MC4R: variants seen among roughly 807,000 people sequenced by gnomAD.
The protein encoded by MC4R is melanocortin receptor 4.
In MC4R, 15 loss-of-function variants were observed where a neutral mutation model predicts 16.1. The ratio of observed to expected loss-of-function variants is 0.93; its 90% CI spans 0.62 to 1.44. The LOEUF is 1.44. Ranked by LOEUF, MC4R falls within the 40% of genes most tolerant of loss-of-function variation. MC4R has a pLI of 0.00. For synonymous variants in MC4R, 162 were observed against 151.7 expected (o/e 1.07, Z -0.50); for missense variants, 416 against 411.4 (o/e 1.01, Z -0.10).
At position 60,372,233 on chromosome 18, in the gene MC4R, C is replaced by A. The variant is rs772080417; in HGVS notation, c.117G>T (p.Gly39=). 2 of 1,614,252 alleles carry A rather than the reference C, an allele frequency of 1.2e-6. No individual in the cohort carries two copies. The highest frequency in any genetic ancestry group is 1.1e-5 in the South Asian group (1 of 91,090). ...GAGAGACAAAAAGTTGCTCGTAGCA[C>A]CCTCCATCAGAGTAGCCTTTTCCAA... The part of the protein sequence containing the change: ...ESLGKGYSDG[G]CYEQLFVSPE... The change falls in exon 1 of 1, where the codon GGG becomes GGT. Residue 39 remains glycine (G), a synonymous_variant. Coordinates refer to ENST00000299766, the MANE Select transcript of MC4R (RefSeq NM_005912.3).
chr18:60,371,831 GATACAACTT>G lies in MC4R; in HGVS notation c.510_518del (p.Ser171_Ile173del). 6.2e-7 allele frequency: 1 copy of G among 1,614,154 alleles called. No homozygotes were observed. The highest frequency in any genetic ancestry group is 8.5e-7 in the Non-Finnish European group (1 of 1,180,028). On this transcript the variant is annotated inframe_deletion, in exon 1 of 1. Coordinates refer to ENST00000299766, the MANE Select transcript of MC4R (RefSeq NM_005912.3). ...TGCCTGAAACCGTGCAAGCTGCCCA[GATACAACTT>G]ATGATGATCCCAACCCGCTTAACTG...
At position 60,372,345 on chromosome 18, in the gene MC4R, A is replaced by G; in HGVS notation, c.5T>C (p.Val2Ala). 1 of 1,614,010 alleles carries G rather than the reference A, an allele frequency of 6.2e-7. No homozygotes were observed. Among genetic ancestry groups the G allele is most frequent in the Non-Finnish European group, 8.5e-7 (1 of 1,180,018 alleles). Residue 2 changes from valine to alanine, a missense_variant, in exon 1 of 1, where the codon GTG (valine) becomes GCG (alanine). Val to Ala is a moderately conservative substitution (Grantham distance 64, BLOSUM62 0). Transcript: ENST00000299766. M[V>A]NSTHRGMHTS... ...GTGCATCCCACGGTGGGTGGAGTTC[A>G]CCATGCTGGCAGGAGAATTCCAGTG...
At position 60,372,018 on chromosome 18, in the gene MC4R, T is replaced by A; in HGVS notation, c.332A>T (p.Asp111Val). ...CACTGTGAAACTCTGTGCATCCGTA[T>A]CTGTACTGTTTAATAGGGTGATGAC... is the stretch of plus-strand genomic sequence containing the variant. ...TIVITLLNST[D>V]TDAQSFTVNI... The change falls in exon 1 of 1, where the codon GAT becomes GTT. Residue 111 changes from aspartate (D) to valine (V), a missense_variant. Coordinates refer to ENST00000299766, the MANE Select transcript of MC4R (RefSeq NM_005912.3). 1.2e-6 allele frequency: 2 copies of A among 1,614,226 alleles called. No individual in the cohort carries two copies. Among genetic ancestry groups the A allele is most frequent in the Non-Finnish European group, 1.7e-6 (2 of 1,180,034 alleles).
rs1019969912 is a variant in MC4R at position 60,372,600 on chromosome 18, C to T, written c.-251G>A. On this transcript the variant is annotated 5_prime_UTR_variant, in exon 1 of 1. Coordinates refer to ENST00000299766, the MANE Select transcript of MC4R (RefSeq NM_005912.3). ...ATTCATTCTCAGTTGAAAGAGTCTGCTCTTTGCTTTCTTGTTCTCACTTCT... is the reference window on the plus strand; with the variant it reads ...ATTCATTCTCAGTTGAAAGAGTCTGTTCTTTGCTTTCTTGTTCTCACTTCT... 3.8e-5 allele frequency: 21 copies of T among 556,744 alleles called. No individual in the cohort carries two copies. The highest frequency in any genetic ancestry group is 6.6e-5 in the Non-Finnish European group (20 of 301,274). The allele number at this position is 556,744 out of a possible 1,614,324, so 34.5% of individuals were successfully genotyped here.
In MC4R at chr18:60,372,674, TTGAAGC is replaced by T. The variant is rs1300254561; in HGVS notation, c.-331_-326del. On this transcript the variant is annotated 5_prime_UTR_variant, in exon 1 of 1. Transcript: ENST00000299766. ...TCAAGTCTGTTCAAAATAATTTTCC[TTGAAGC>T]TGCCATGCCATTGGGAGACGAATCT... 2.7e-6 allele frequency: 1 copy of T among 374,344 alleles called. No homozygotes were observed. Among genetic ancestry groups the T allele is most frequent in the Admixed American group, 4.0e-5 (1 of 25,220 alleles). 23.2% of individuals were successfully genotyped at this position (374,344 alleles called of 1,614,324 possible).
Position 60,372,286 on chromosome 18 carries a change from TG to T in MC4R, c.63del (p.Tyr21Ter). ...GACTCACTGGCATTGCTGTGCAGTC[TG>T]TAACTGCTGCGGTTCCAGAGGTGCA... ...TSLHLWNRSS[Y>X]RLHSNASESL... On this transcript the variant is annotated frameshift_variant, in exon 1 of 1. Transcript: ENST00000299766. LOFTEE classifies it high-confidence loss of function. 6.2e-7 allele frequency: 1 copy of T among 1,614,214 alleles called. No homozygotes were observed. Among genetic ancestry groups the T allele is most frequent in the Non-Finnish European group, 8.5e-7 (1 of 1,180,026 alleles).
Position 60,371,972 on chromosome 18 carries a change from G to A in MC4R, c.378C>T (p.Asp126=), listed in dbSNP as rs145900224. ...SFTVNIDNVI[D]SVICSSLLAS... is the part of the protein sequence containing the mutation. ...CAAGCAAGGAGCTACAGATCACCGA[G>A]TCAATGACATTATCAATATTCACTG... The change falls in exon 1 of 1, where the codon GAC becomes GAT. Residue 126 remains aspartate, a synonymous_variant. Coordinates refer to ENST00000299766, the MANE Select transcript of MC4R (RefSeq NM_005912.3). 1.2e-6 allele frequency: 2 copies of A among 1,613,972 alleles called. No homozygotes were observed. The highest frequency in any genetic ancestry group is 1.7e-6 in the Non-Finnish European group (2 of 1,180,040).
chr18:60,371,787 G>A lies in MC4R; in HGVS notation c.563C>T (p.Ser188Leu), dbSNP rs772131442. ...TVSGILFIIY[S>L]DSSAVIICLI... ...GCAGATGATGACAGCACTACTATCTGAGTAAATGATGAACAAAATGCCTGA... is the reference window on the plus strand; with the variant it reads ...GCAGATGATGACAGCACTACTATCTAAGTAAATGATGAACAAAATGCCTGA... Residue 188 changes from serine to leucine, a missense_variant, in exon 1 of 1, where the codon TCA (serine) becomes TTA (leucine). Physicochemically the swap from Ser to Leu is moderately radical, Grantham distance 145. Transcript: ENST00000299766. The A allele has an allele frequency of 1.9e-6, 3 of 1,614,144 alleles. No homozygotes were observed. The highest frequency in any genetic ancestry group is 2.5e-6 in the Non-Finnish European group (3 of 1,180,014).
At position 60,371,088 on chromosome 18, in the gene MC4R, T is replaced by A. The variant is rs1390168250; in HGVS notation, c.*263A>T. The A allele has an allele frequency of 6.6e-6, 3 of 452,728 alleles. No individual in the cohort carries two copies. Among genetic ancestry groups the A allele is most frequent in the South Asian group, 2.2e-5 (1 of 44,486 alleles). The allele number at this position is 452,728 out of a possible 1,614,324, so 28.0% of individuals were successfully genotyped here. On this transcript the variant is annotated 3_prime_UTR_variant, in exon 1 of 1. Coordinates refer to ENST00000299766, the MANE Select transcript of MC4R (RefSeq NM_005912.3). ...ACATTGTTAAGCTTTTAATAAGGAC[T>A]TTTCTTTTTGTAAATCCACAGTGCC...
chr18:60,371,532 T>C lies in MC4R; in HGVS notation c.818A>G (p.Gln273Arg). Residue 273 changes from glutamine (Q) to arginine (R), a missense_variant, in exon 1 of 1, where the codon CAG becomes CGG. Transcript: ENST00000299766. The part of the protein sequence containing the change: ...LHLIFYISCP[Q>R]NPYCVCFMSH... ...CATGAAGCACACACAATATGGATTCTGAGGACAAGAGATGTAGAATATTAA... is the reference window on the plus strand; with the variant it reads ...CATGAAGCACACACAATATGGATTCCGAGGACAAGAGATGTAGAATATTAA... The C allele has an allele frequency of 6.2e-7, 1 of 1,614,210 alleles. No individual in the cohort carries two copies. The highest frequency in any genetic ancestry group is 8.5e-7 in the Non-Finnish European group (1 of 1,180,030).
chr18:60,372,649 T>A lies in MC4R; in HGVS notation c.-300A>T. The stretch of plus-strand genomic sequence containing the variant: ...CTGCTTTAACTTTAATCTTATGCAT[T>A]CAAGTCTGTTCAAAATAATTTTCCT... On this transcript the variant is annotated 5_prime_UTR_variant, in exon 1 of 1. Transcript: ENST00000299766. The A allele has an allele frequency of 2.4e-6, 1 of 425,144 alleles. No individual in the cohort carries two copies. 26.3% of individuals were successfully genotyped at this position (425,144 alleles called of 1,614,324 possible). A position where few individuals can be genotyped will look rare whatever the true frequency, so the allele number is the denominator to read the frequency against.
Position 60,372,158 on chromosome 18 carries a change from T to G in MC4R, c.192A>C (p.Leu64Phe). Reference sequence around the variant, plus strand: ...TGTTCTTGGCTATTGCCACAATCACTAAGATATTCTCCAACAAGCTGATGA... The same window carrying G: ...TGTTCTTGGCTATTGCCACAATCACGAAGATATTCTCCAACAAGCTGATGA... ...LGVISLLENI[L>F]VIVAIAKNKN... is the part of the protein sequence containing the mutation. The change falls in exon 1 of 1, where the codon TTA (leucine) becomes TTC (phenylalanine). Residue 64 changes from leucine (L) to phenylalanine (F), a missense_variant. Leu to Phe is a conservative substitution (Grantham distance 22). Transcript: ENST00000299766. 6.2e-7 allele frequency: 1 copy of G among 1,614,236 alleles called. No homozygotes were observed. Among genetic ancestry groups the G allele is most frequent in the Non-Finnish European group, 8.5e-7 (1 of 1,180,038 alleles).
Position 60,372,502 on chromosome 18 carries a change from T to G in MC4R, c.-153A>C, listed in dbSNP as rs954069626. 1 of 779,270 alleles carries G rather than the reference T, an allele frequency of 1.3e-6. No homozygotes were observed. Among genetic ancestry groups the G allele is most frequent in the Non-Finnish European group, 2.2e-6 (1 of 451,380 alleles). 48.3% of individuals were successfully genotyped at this position (779,270 alleles called of 1,614,324 possible). On this transcript the variant is annotated 5_prime_UTR_variant, in exon 1 of 1. Transcript: ENST00000299766. ...TGAGTAAATGTCACAAGTCCAGAGCTTGACATGGAGTTTTTAGTCTCTTTT... is the reference window on the plus strand; with the variant it reads ...TGAGTAAATGTCACAAGTCCAGAGCGTGACATGGAGTTTTTAGTCTCTTTT...
Position 60,371,147 on chromosome 18 carries a change from C to A in MC4R, c.*204G>T. On this transcript the variant is annotated 3_prime_UTR_variant, in exon 1 of 1. Transcript: ENST00000299766. ...ATAACATAGATTCATATTTTATGGC[C>A]AAAAAAGTAGCATGACATTGGAAAT... 1.7e-6 allele frequency: 1 copy of A among 588,478 alleles called. No homozygotes were observed. The highest frequency in any genetic ancestry group is 3.0e-6 in the Non-Finnish European group (1 of 336,516). The allele number at this position is 588,478 out of a possible 1,614,324, so 36.5% of individuals were successfully genotyped here. A position where few individuals can be genotyped will look rare whatever the true frequency, so the allele number is the denominator to read the frequency against.
rs1335660236 is a variant in MC4R at position 60,371,321 on chromosome 18, A to G, written c.*30T>C. 2.5e-6 allele frequency: 4 copies of G among 1,612,632 alleles called. No individual in the cohort carries two copies. The highest frequency in any genetic ancestry group is 1.1e-5 in the South Asian group (1 of 90,966). On this transcript the variant is annotated 3_prime_UTR_variant, in exon 1 of 1. Transcript: ENST00000299766. ...GTAAGAGTGAAAAAGTCTCTTATGC[A>G]TGTTCCTATATTGCGTGCTCTGTCC... is the stretch of plus-strand genomic sequence containing the variant.
At position 60,372,601 on chromosome 18, in the gene MC4R, T is replaced by C; in HGVS notation, c.-252A>G. ...TTCATTCTCAGTTGAAAGAGTCTGC[T>C]CTTTGCTTTCTTGTTCTCACTTCTG... On this transcript the variant is annotated 5_prime_UTR_variant, in exon 1 of 1. Coordinates refer to ENST00000299766, the MANE Select transcript of MC4R (RefSeq NM_005912.3). 1.8e-6 allele frequency: 1 copy of C among 550,934 alleles called. No homozygotes were observed. The allele number at this position is 550,934 out of a possible 1,614,324, so 34.1% of individuals were successfully genotyped here.
At position 60,372,426 on chromosome 18, in the gene MC4R, C is replaced by T; in HGVS notation, c.-77G>A. ...AGGGAGTCGTCTCAGTTATTTCCTCCAAGTCTTTATCTGTCTGAAAGTTGT... is the reference window on the plus strand; with the variant it reads ...AGGGAGTCGTCTCAGTTATTTCCTCTAAGTCTTTATCTGTCTGAAAGTTGT... On this transcript the variant is annotated 5_prime_UTR_variant, in exon 1 of 1. An upstream open reading frame in the 5' UTR gains an earlier in-frame stop. Transcript: ENST00000299766. 1 of 1,509,836 alleles carries T rather than the reference C, an allele frequency of 6.6e-7. No homozygotes were observed. Among genetic ancestry groups the T allele is most frequent in the Non-Finnish European group, 9.1e-7 (1 of 1,099,132 alleles). The allele number at this position is 1,509,836 out of a possible 1,614,324, so 93.5% of individuals were successfully genotyped here. A position where few individuals can be genotyped will look rare whatever the true frequency, so the allele number is the denominator to read the frequency against.
rs778632018 is a variant in MC4R, at chr18:60,372,255, C to T, written c.95G>A (p.Gly32Glu). 6.2e-6 allele frequency: 10 copies of T among 1,614,232 alleles called. No individual in the cohort carries two copies. The highest frequency in any genetic ancestry group is 8.5e-6 in the Non-Finnish European group (10 of 1,180,036). ...RLHSNASESL[G>E]KGYSDGGCYE... is the part of the protein sequence containing the mutation. ...GCACCCTCCATCAGAGTAGCCTTTT[C>T]CAAGGGACTCACTGGCATTGCTGTG... The change falls in exon 1 of 1, where the codon GGA (glycine) becomes GAA (glutamate). Residue 32 changes from glycine (G) to glutamate (E), a missense_variant. Physicochemically the swap from Gly to Glu is moderately conservative, Grantham distance 98. Transcript: ENST00000299766.
At position 60,372,142 on chromosome 18, in the gene MC4R, C is replaced by T. The variant is rs2143967279; in HGVS notation, c.208G>A (p.Ala70Thr). ...LENILVIVAI[A>T]KNKNLHSPMY... Reference sequence around the variant, plus strand: ...GGTGAATGCAGATTCTTGTTCTTGGCTATTGCCACAATCACTAAGATATTC... The same window carrying T: ...GGTGAATGCAGATTCTTGTTCTTGGTTATTGCCACAATCACTAAGATATTC... The change falls in exon 1 of 1, where the codon GCC (alanine) becomes ACC (threonine). Residue 70 changes from alanine (A) to threonine (T), a missense_variant. Coordinates refer to ENST00000299766, the MANE Select transcript of MC4R (RefSeq NM_005912.3). The T allele has an allele frequency of 1.2e-6, 2 of 1,614,248 alleles. No homozygotes were observed. Among genetic ancestry groups the T allele is most frequent in the Non-Finnish European group, 8.5e-7 (1 of 1,180,046 alleles).
Sources: gnomAD v4.1 joint callset for allele counts on GRCh38, gnomAD v4.1.1 for gene constraint, MANE v1.5 for transcripts, NCBI Gene and HGNC (gene_info 2026-07-23, HGNC 2026-07-21) for gene names.